IRAG1: variants seen among roughly 807,000 people sequenced by gnomAD.
IRAG1 encodes the protein inositol 1,4,5-triphosphate receptor associated 1, also known as IP3R-associated cGMP kinase substrate.
Under a neutral mutation model 106.2 loss-of-function variants are expected in IRAG1, and 62 were observed. The ratio of observed to expected loss-of-function variants is 0.58; its 90% CI spans 0.48 to 0.72. The LOEUF (loss-of-function observed/expected upper bound fraction) is 0.72, where lower values mean the gene tolerates loss of function less well. Among genes scored for constraint, IRAG1 ranks in the 30% least tolerant of loss-of-function variants. The probability of loss-of-function intolerance (pLI) is 0.00; values close to 1 mark genes in which losing one functional copy is unlikely to be tolerated. For synonymous variants in IRAG1, 462 were observed against 443.9 expected, an observed-to-expected ratio of 1.04 and a Z score of -0.51; for missense variants, 1,064 against 1,140.7, an observed-to-expected ratio of 0.93 and a Z score of 0.97.
At chr11:10,680,531 G>GGAAA (rs1861161104) in intron 1 of IRAG1, among the ~76,000 whole-genome samples, 1 of 136,690 alleles carries the variant, frequency 7.3e-6, no homozygotes, top group African/African-American at 3.3e-5. Context: ...AAGAAAGGAA[G>GGAAA]GAAGGAAGGG....
chr11:10,627,583 C>A, intron 8 of IRAG1, 133 bp downstream of exon 8: 1 of 916,922 alleles, frequency 1.1e-6, no homozygotes, highest in Non-Finnish European at 1.7e-6. Context: ...TCTGCTGTTT[C>A]CCCAGCCCTG....
chr11:10,604,589 T>C, intron 12 of IRAG1, 44 bp from the exon 13 acceptor site: 1 of 1,612,574 alleles, frequency 6.2e-7, no homozygotes, highest in Non-Finnish European at 8.5e-7. Context: ...GAGGAGTTAC[T>C]GCAGAGGACA....
chr11:10,627,753 TC>T lies in IRAG1; in HGVS notation c.712del (p.Asp238MetfsTer19). 3 of 1,613,806 alleles carry T rather than the reference TC, an allele frequency of 1.9e-6. No individual in the cohort carries two copies. The highest frequency in any genetic ancestry group is 2.5e-6 in the Non-Finnish European group (3 of 1,179,840). ...PLPGAPPQKG[D>X]EADVSSPHPG... Reference sequence around the variant, plus strand: ...GTGAGGTGAAGAGACGTCGGCCTCATCCCCCTTCTGCTGGAGAAGGTGAACA... The same window carrying T: ...GTGAGGTGAAGAGACGTCGGCCTCATCCCCTTCTGCTGGAGAAGGTGAACA... On this transcript the variant is annotated frameshift_variant, in exon 8 of 21. Coordinates refer to ENST00000423302, the MANE Select transcript of IRAG1 (RefSeq NM_130385.4). LOFTEE classifies it high-confidence loss of function.
intron 1 of IRAG1, among the ~76,000 whole-genome samples, chr11:10,680,771 T>A (rs972336746): frequency 1.9e-4 from 29 of 152,280 alleles, no homozygotes; most frequent in Middle Eastern, 3.4e-3. Context: ...AATAACAATC[T>A]TGTGAATTAT....
chr11:10,648,437 G>T (rs1397343056), intron 2 of IRAG1, among the ~76,000 whole-genome samples: 4 of 152,220 alleles, frequency 2.6e-5, no homozygotes, highest in Non-Finnish European at 5.9e-5. Context: ...GGTCTTGGAT[G>T]GCTGAGGAAT....
At chr11:10,583,242 G>A (rs1001865469) in intron 18 of IRAG1, among the ~76,000 whole-genome samples, 1 of 152,154 alleles carries the variant, frequency 6.6e-6, no homozygotes, top group Non-Finnish European at 1.5e-5. Flanking sequence ...TGCTTAGGGA[G>A]ATAATATGAA....
intron 1 of IRAG1, chr11:10,687,758 A>T: frequency 7.8e-7 from 1 of 1,289,104 alleles, no homozygotes; most frequent in African/African-American, 1.5e-5. Context: ...CCCAGTGCAG[A>T]AGTCTTCTTG....
chr11:10,597,595 G>T (rs532670004), intron 15 of IRAG1, among the ~76,000 whole-genome samples: 1 of 152,116 alleles, frequency 6.6e-6, no homozygotes, highest in Non-Finnish European at 1.5e-5. Flanking sequence ...GGCCTCAAGC[G>T]ATCCTTTCAC....
intron 15 of IRAG1, among the ~76,000 whole-genome samples, chr11:10,594,675 C>T (rs907422646): frequency 1.3e-5 from 2 of 152,128 alleles, no homozygotes; most frequent in African/African-American, 4.8e-5. Context: ...AAGGAAGCTA[C>T]CACCCCAGGA....
intron 13 of IRAG1, 33 bp downstream of exon 13, chr11:10,604,372 C>A (rs1854306554): frequency 6.2e-7 from 1 of 1,613,380 alleles, no homozygotes; most frequent in Non-Finnish European, 8.5e-7. Context: ...AGTCTCTGCT[C>A]CAGGGATTCC....
rs747464527 is a variant in IRAG1 at position 10,580,477 on chromosome 11, C to T, written c.2473G>A (p.Glu825Lys). The change falls in exon 20 of 21, where the codon GAG (glutamate) becomes AAG (lysine). Residue 825 changes from glutamate (E) to lysine (K), a missense_variant. Glu to Lys is a moderately conservative substitution (Grantham distance 56, BLOSUM62 1). Transcript: ENST00000423302. Reference sequence around the variant, plus strand: ...CACCTGCTTCTTGGGCCCTTTTCCTCTTCCTCAGTTTCTTCTACCTCTTCA... The same window carrying T: ...CACCTGCTTCTTGGGCCCTTTTCCTTTTCCTCAGTTTCTTCTACCTCTTCA... ...EPEEVEETEE[E>K]EKGPRSSKLE... 2.5e-5 allele frequency: 40 copies of T among 1,613,488 alleles called. No individual in the cohort carries two copies. The highest frequency in any genetic ancestry group is 3.4e-5 in the Non-Finnish European group (40 of 1,179,784).
rs146258488 is a variant in IRAG1, at chr11:10,607,231, C to T, written c.1572-459G>A. Among the ~76,000 whole-genome samples the T allele has an allele frequency of 5.9e-5, 9 of 152,258 alleles. No homozygotes were observed. In the East Asian group the frequency reaches 1.7e-3, roughly 29 times the overall value. ...TATAACTCATACACATCTAAGTTGC[C>T]ATTATAATTGTTCTGGGGATATCCA... On this transcript the variant is annotated intron_variant, in intron 11 of 20. Coordinates refer to ENST00000423302, the MANE Select transcript of IRAG1 (RefSeq NM_130385.4).
chr11:10,664,393 C>T (rs1012462768), intron 1 of IRAG1, among the ~76,000 whole-genome samples: 2 of 152,224 alleles, frequency 1.3e-5, no homozygotes, highest in Non-Finnish European at 2.9e-5. Context: ...TGGTGTAAAG[C>T]ATGCTACAGA....
At chr11:10,652,245 T>C in intron 1 of IRAG1, 63 bp from the exon 2 acceptor site, 1 of 1,591,654 alleles carries the variant, frequency 6.3e-7, no homozygotes, top group Non-Finnish European at 8.6e-7. Context: ...CTGGGTTCCA[T>C]TTCCCGGAGC....
chr11:10,605,181 G>A (rs1029023175), intron 12 of IRAG1, among the ~76,000 whole-genome samples: 1 of 152,194 alleles, frequency 6.6e-6, no homozygotes, highest in African/African-American at 2.4e-5. Flanking sequence ...GATAATATTG[G>A]TCATACATGG....
rs370496038 is a variant in IRAG1 at position 10,609,718 on chromosome 11, C to T, written c.1571+10G>A. On this transcript the variant is annotated intron_variant, in intron 11 of 20. Transcript: ENST00000423302. The stretch of plus-strand genomic sequence containing the variant: ...TACAGGGCCTTCTGTAACCCACATC[C>T]TGATTTTACCTTCCAGGGAGACTCC... 4.3e-6 allele frequency: 7 copies of T among 1,612,920 alleles called. No individual in the cohort carries two copies. The African/African-American group carries it at 8.1e-5, about 19-fold the overall frequency.
chr11:10,608,804 ACT>A (rs577129481), intron 11 of IRAG1, among the ~76,000 whole-genome samples: 19 of 152,232 alleles, frequency 1.2e-4, no homozygotes, highest in African/African-American at 4.6e-4. Flanking sequence ...CTTTCTTGAC[ACT>A]GTTTGCAGCA....
intron 1 of IRAG1, chr11:10,687,621 T>A: frequency 8.4e-7 from 1 of 1,188,710 alleles, no homozygotes; most frequent in South Asian, 1.5e-5. Flanking sequence ...TGTTATTTAT[T>A]GGGCCTCCTT....
intron 11 of IRAG1, 105 bp from the exon 12 acceptor site, chr11:10,606,877 G>T: frequency 9.2e-7 from 1 of 1,092,248 alleles, no homozygotes; most frequent in Non-Finnish European, 1.3e-6. Context: ...GGTGGAGTAA[G>T]CTGTGTTGGT....
Sources: gnomAD v4.1 joint callset for allele counts (sites outside exome capture counted in the v4.1 genomes callset) on GRCh38, gnomAD v4.1.1 for gene constraint, MANE v1.5 for transcripts, NCBI Gene and HGNC (gene_info 2026-07-23, HGNC 2026-07-21) for gene names.